SNX25: variants seen among roughly 807,000 people sequenced by gnomAD.
SNX25 encodes the protein sorting nexin-25.
A neutral mutation model predicts 113.7 loss-of-function variants in SNX25; 62 were observed. That is an observed-to-expected ratio of 0.55 (90% CI 0.44 to 0.67). The LOEUF is 0.67. Ranked by LOEUF, SNX25 falls within the 30% of genes least tolerant of loss-of-function variation. The pLI is 0.00. For missense variants in SNX25, 1,014 were observed against 1,161.0 expected, an observed-to-expected ratio of 0.87 and a Z score of 1.84; for synonymous variants, 421 against 436.2, an observed-to-expected ratio of 0.97 and a Z score of 0.43.
chr4:185,343,031 C>T (rs2126727359), intron 12 of SNX25, among the ~76,000 whole-genome samples: 1 of 152,320 alleles, frequency 6.6e-6, no homozygotes, highest in African/African-American at 2.4e-5. Flanking sequence ...GCTGGGATTA[C>T]AGGCATGTGC....
rs189923398 is a variant in SNX25 at position 185,332,517 on chromosome 4, A to G, written c.1750-78A>G. 7.9e-4 allele frequency: 1,064 copies of G among 1,349,302 alleles called. 11 individuals carry two copies. The highest frequency in any genetic ancestry group is 3.7e-5 in the Non-Finnish European group (38 of 1,013,644). The allele number at this position is 1,349,302 out of a possible 1,614,324, so 83.6% of individuals were successfully genotyped here. The stretch of plus-strand genomic sequence containing the variant: ...TCCTTACTGGAATGTAGTATTTTGC[A>G]ACAGGGTATCGTGACCGATAATAAT... On this transcript the variant is annotated intron_variant, in intron 9 of 18. Transcript: ENST00000652585.
chr4:185,335,648 G>GT (rs2095225270), intron 10 of SNX25, among the ~76,000 whole-genome samples: 1 of 152,016 alleles, frequency 6.6e-6, no homozygotes, highest in African/African-American at 2.4e-5. Flanking sequence ...TACTGCCTAG[G>GT]TTTTTTTGTT....
chr4:185,243,388 T>A (rs1744356762), intron 1 of SNX25, among the ~76,000 whole-genome samples: 1 of 152,050 alleles, frequency 6.6e-6, no homozygotes, highest in Non-Finnish European at 1.5e-5. Context: ...GGTGGGAGGA[T>A]CGCTTGAGGC....
intron 1 of SNX25, among the ~76,000 whole-genome samples, chr4:185,241,234 A>G (rs1272878929): frequency 3.0e-4 from 46 of 152,234 alleles, no homozygotes; most frequent in Admixed American, 2.0e-4. Flanking sequence ...CCAGCACCTC[A>G]GGAGGCCGAG....
chr4:185,345,390 G>T (rs756635781), intron 12 of SNX25, among the ~76,000 whole-genome samples: 8 of 152,334 alleles, frequency 5.3e-5, no homozygotes, highest in Non-Finnish European at 7.3e-5. Context: ...CACATGCTAT[G>T]CTTCTAGCAC....
chr4:185,274,824 G>T lies in SNX25; in HGVS notation c.1091+7669G>T, dbSNP rs539698313. Among the ~76,000 whole-genome samples the T allele has an allele frequency of 2.0e-5, 3 of 152,236 alleles. No individual in the cohort carries two copies. The South Asian group carries it at 6.2e-4, about 32-fold the overall frequency. ...AGGTAGTATTTTTTCCCTTCTTAGG[G>T]TTGTAGAAAGTAAACTGACTTGCCC... On this transcript the variant is annotated intron_variant, in intron 5 of 18. Transcript: ENST00000652585.
chr4:185,295,183 G>A (rs1304058338), intron 6 of SNX25, among the ~76,000 whole-genome samples: 1 of 152,120 alleles, frequency 6.6e-6, no homozygotes, highest in Non-Finnish European at 1.5e-5. Context: ...GCATTTTGGA[G>A]GTAGTGTGAT....
At chr4:185,301,380 CTTTT>C (rs199570597) in intron 6 of SNX25, among the ~76,000 whole-genome samples, 1 of 151,548 alleles carries the variant, frequency 6.6e-6, no homozygotes, top group African/African-American at 2.4e-5. Context: ...GTTAGTCAGA[CTTTT>C]TTTTTATTAC....
At chr4:185,297,929 C>G (rs1412035310) in intron 6 of SNX25, among the ~76,000 whole-genome samples, 1 of 152,168 alleles carries the variant, frequency 6.6e-6, no homozygotes, top group Non-Finnish European at 1.5e-5. Context: ...TCTGTTCATA[C>G]AAGCCACAAA....
chr4:185,229,625 A>G, intron 1 of SNX25, among the ~76,000 whole-genome samples: 1 of 152,176 alleles, frequency 6.6e-6, no homozygotes, highest in East Asian at 1.9e-4. Flanking sequence ...TGCCAGCGTC[A>G]TTCAGGCCAT....
chr4:185,253,372 A>G (rs1166913939), intron 2 of SNX25, among the ~76,000 whole-genome samples: 1 of 152,188 alleles, frequency 6.6e-6, no homozygotes. Context: ...GCACACAAAA[A>G]AACCCACTGT....
intron 1 of SNX25, among the ~76,000 whole-genome samples, chr4:185,222,565 C>T (rs1312728474): frequency 6.6e-6 from 1 of 152,154 alleles, no homozygotes; most frequent in African/African-American, 2.4e-5. Context: ...AGCTATACAG[C>T]GGCATATACC....
At chr4:185,224,932 T>G (rs937033986) in intron 1 of SNX25, among the ~76,000 whole-genome samples, 34 of 151,868 alleles carry the variant, frequency 2.2e-4, no homozygotes, top group Non-Finnish European at 3.5e-4. Flanking sequence ...AGGAGCCCTG[T>G]TTGTTTTTTT....
chr4:185,267,234 G>C, intron 5 of SNX25, 79 bp downstream of exon 5: 1 of 1,227,158 alleles, frequency 8.1e-7, no homozygotes, highest in East Asian at 2.4e-5. Context: ...AAAAAAAAAA[G>C]TAGTTGTCAG....
intron 1 of SNX25, among the ~76,000 whole-genome samples, chr4:185,237,070 A>G (rs968142718): frequency 6.6e-6 from 1 of 152,218 alleles, no homozygotes. Flanking sequence ...GAAAACAGTA[A>G]TATGAGAAAA....
chr4:185,209,067 T>C (rs1352373651), upstream of SNX25, among the ~76,000 whole-genome samples: 2 of 152,202 alleles, frequency 1.3e-5, no homozygotes. This position sits in a 1 kb window ranked among gnomAD's most constrained non-coding sequence, Gnocchi z 5.2. Flanking sequence ...GTGCACCCTG[T>C]TGCACCAGGC....
chr4:185,360,978 T>C (rs1175246624), intron 16 of SNX25, among the ~76,000 whole-genome samples: 1 of 145,626 alleles, frequency 6.9e-6, no homozygotes, highest in Non-Finnish European at 1.5e-5. Flanking sequence ...ACTAACGAAA[T>C]GGGGTTGTGT....
At chr4:185,355,703 C>CT (rs1247430534) in intron 15 of SNX25, among the ~76,000 whole-genome samples, 6 of 152,208 alleles carry the variant, frequency 3.9e-5, no homozygotes, top group African/African-American at 1.4e-4. Context: ...ATTTGAGACA[C>CT]TTTAAGACAT....
At chr4:185,271,990 TA>T (rs1424533132) in intron 5 of SNX25, among the ~76,000 whole-genome samples, 1 of 152,250 alleles carries the variant, frequency 6.6e-6, no homozygotes, top group Non-Finnish European at 1.5e-5. Context: ...TGAGACCTTT[TA>T]AAAAAGTAAG....
Sources: gnomAD v4.1 joint callset for allele counts (sites outside exome capture counted in the v4.1 genomes callset) on GRCh38, gnomAD v4.1.1 for gene constraint, Gnocchi (gnomAD v3.1) non-coding constraint, MANE v1.5 for transcripts, NCBI Gene and HGNC (gene_info 2026-07-23, HGNC 2026-07-21) for gene names.